SLC36A1: variants seen among roughly 807,000 people sequenced by gnomAD.
The protein encoded by SLC36A1 is proton-coupled amino acid transporter 1.
In SLC36A1, 30 loss-of-function variants were observed where a neutral mutation model predicts 47.5. The ratio of observed to expected loss-of-function variants is 0.63; its 90% CI spans 0.47 to 0.86. The LOEUF (loss-of-function observed/expected upper bound fraction) is 0.86, where lower values mean the gene tolerates loss of function less well. SLC36A1 is among the 40% of genes least tolerant of loss of function. SLC36A1 has a pLI of 0.00. For missense variants in SLC36A1, 517 were observed against 606.0 expected, an observed-to-expected ratio of 0.85 and a Z score of 1.54; for synonymous variants, 255 against 249.7, an observed-to-expected ratio of 1.02 and a Z score of -0.20.
At chr5:151,431,165 A>G in the SLC36A1 span, 1 of 152,206 alleles carries the variant, frequency 6.6e-6, no homozygotes, top group African/African-American at 2.4e-5. Flanking sequence ...TCTGTCAAGA[A>G]CTACAGGAGA....
At chr5:151,517,283 A>C in the SLC36A1 span, among the ~76,000 whole-genome samples, 1 of 152,192 alleles carries the variant, frequency 6.6e-6, no homozygotes, top group Non-Finnish European at 1.5e-5. Flanking sequence ...CCCAGTGGTA[A>C]GCAATCCCCC....
the SLC36A1 span, chr5:151,551,622 G>A: frequency 6.2e-7 from 1 of 1,613,770 alleles, no homozygotes; most frequent in Non-Finnish European, 8.5e-7. Flanking sequence ...GTGGGAGTGG[G>A]GAGAAAGCAC....
chr5:151,421,174 C>CTCCTTCCTTCTT, the SLC36A1 span, among the ~76,000 whole-genome samples: 2 of 138,804 alleles, frequency 1.4e-5, no homozygotes, highest in Non-Finnish European at 3.1e-5. Context: ...CGCCCTTTCT[C>CTCCTTCCTTCTT]TCCTTCCTTC....
upstream of SLC36A1, among the ~76,000 whole-genome samples, chr5:151,444,001 G>A (rs1581030498): frequency 2.0e-5 from 3 of 152,146 alleles, no homozygotes; most frequent in Non-Finnish European, 2.9e-5. Context: ...TTTCTGGGCT[G>A]TCTATTGTGT....
upstream of SLC36A1, among the ~76,000 whole-genome samples, chr5:151,432,964 C>T (rs1759455242): frequency 6.6e-6 from 1 of 151,584 alleles, no homozygotes; most frequent in African/African-American, 2.4e-5. Context: ...GCAGAGGACC[C>T]AGTGAAAGCC....
At chr5:151,384,032 A>C in the SLC36A1 span, among the ~76,000 whole-genome samples, 1 of 39,938 alleles carries the variant, frequency 2.5e-5, no homozygotes, top group Non-Finnish European at 4.4e-5. Flanking sequence ...GTTTTGTGAC[A>C]AAAAAAAAAG....
At chr5:151,370,377 G>T in the SLC36A1 span, among the ~76,000 whole-genome samples, 1 of 151,570 alleles carries the variant, frequency 6.6e-6, no homozygotes, top group Admixed American at 6.6e-5. Flanking sequence ...GAATATAAAT[G>T]ATACCACATT....
At chr5:151,398,515 C>T in the SLC36A1 span, among the ~76,000 whole-genome samples, 64,553 of 151,928 alleles carry the variant, frequency 0.42, 14,106 homozygotes, top group African/African-American at 0.54. Flanking sequence ...GTACTGGAAC[C>T]AGAACTGAAG....
the SLC36A1 span, chr5:151,507,287 G>C: frequency 6.2e-7 from 1 of 1,614,040 alleles, no homozygotes; most frequent in African/African-American, 1.3e-5. Context: ...CAAATGTGAC[G>C]AGTTCATTTG....
the SLC36A1 span, chr5:151,543,020 C>T: frequency 6.2e-7 from 1 of 1,614,192 alleles, no homozygotes; most frequent in Admixed American, 1.7e-5. Context: ...TCTGGAAGGT[C>T]TTCAGGTGCA....
the SLC36A1 span, chr5:151,534,610 C>G: frequency 6.2e-7 from 1 of 1,614,050 alleles, no homozygotes; most frequent in Non-Finnish European, 8.5e-7. Flanking sequence ...TCCTTCCTTT[C>G]TCGGTCTAGG....
the SLC36A1 span, chr5:151,521,631 G>A: frequency 1.9e-6 from 3 of 1,614,126 alleles, no homozygotes; most frequent in South Asian, 2.2e-5. Context: ...TATGGCTGAG[G>A]AACCTCTGCA....
chr5:151,517,062 C>G, the SLC36A1 span, among the ~76,000 whole-genome samples: 1 of 150,478 alleles, frequency 6.6e-6, no homozygotes, highest in Non-Finnish European at 1.5e-5. Flanking sequence ...GATCTGAAAT[C>G]ACACCACTGC....
At chr5:151,388,506 G>C in the SLC36A1 span, among the ~76,000 whole-genome samples, 1 of 104,784 alleles carries the variant, frequency 9.5e-6, no homozygotes, top group South Asian at 3.1e-4. Context: ...CATCTCAAAA[G>C]AAAAAAAAAA....
At chr5:151,404,322 G>C in the SLC36A1 span, among the ~76,000 whole-genome samples, 1 of 152,146 alleles carries the variant, frequency 6.6e-6, no homozygotes, top group South Asian at 2.1e-4. Flanking sequence ...ATGTGAAATG[G>C]GTCTCTTGAA....
At chr5:151,377,739 T>C in the SLC36A1 span, among the ~76,000 whole-genome samples, 2 of 152,256 alleles carry the variant, frequency 1.3e-5, no homozygotes, top group Non-Finnish European at 2.9e-5. Flanking sequence ...CGATATACTC[T>C]TCTTGAATTG....
the SLC36A1 span, among the ~76,000 whole-genome samples, chr5:151,400,200 T>C: frequency 1.3e-5 from 2 of 152,254 alleles, no homozygotes; most frequent in South Asian, 4.2e-4. Context: ...ACTGTTCCCA[T>C]CTTTATGTCC....
chr5:151,537,984 G>GA, the SLC36A1 span: 60 of 1,596,920 alleles, frequency 3.8e-5, no homozygotes, highest in Non-Finnish European at 4.9e-5. Context: ...AGACTGTGGG[G>GA]ACTGCATTCA....
chr5:151,527,735 A>G, the SLC36A1 span, among the ~76,000 whole-genome samples: 6 of 152,198 alleles, frequency 3.9e-5, no homozygotes, highest in African/African-American at 4.8e-5. Context: ...TGGCTATTTT[A>G]TAATGATCTA....
Sources: gnomAD v4.1 joint callset for allele counts (sites outside exome capture counted in the v4.1 genomes callset) on GRCh38, gnomAD v4.1.1 for gene constraint, MANE v1.5 for transcripts, NCBI Gene and HGNC (gene_info 2026-07-23, HGNC 2026-07-21) for gene names.